EEFSEC: variants seen among roughly 807,000 people sequenced by gnomAD.
The protein encoded by EEFSEC is selenocysteine-specific elongation factor.
EEFSEC carries 43 observed loss-of-function variants against 42.1 expected under a neutral mutation model. The ratio of observed to expected loss-of-function variants is 1.02; its 90% CI spans 0.80 to 1.32. EEFSEC has a LOEUF of 1.32. Among genes scored for constraint, EEFSEC ranks in the 40% most tolerant of loss-of-function variants. The pLI is 0.00. For missense variants in EEFSEC, 745 were observed against 803.6 expected (o/e 0.93, Z 0.88); for synonymous variants, 354 against 339.1 (o/e 1.04, Z -0.48).
intron 1 of EEFSEC, among the ~76,000 whole-genome samples, chr3:128,197,251 C>A (rs1469245302): frequency 6.6e-6 from 1 of 152,282 alleles, no homozygotes; most frequent in South Asian, 2.1e-4. Flanking sequence ...GGGCTAGAAT[C>A]CTGGAGGCGG....
At chr3:128,259,518 G>C (rs1341389098) in intron 2 of EEFSEC, among the ~76,000 whole-genome samples, 3 of 152,204 alleles carry the variant, frequency 2.0e-5, no homozygotes, top group Non-Finnish European at 4.4e-5. Context: ...CTCTGTAATT[G>C]AGATAGAATT....
At chr3:128,308,380 G>A (rs975780928) in intron 4 of EEFSEC, among the ~76,000 whole-genome samples, 1 of 152,226 alleles carries the variant, frequency 6.6e-6, no homozygotes, top group East Asian at 1.9e-4. Context: ...AGAAGACATA[G>A]CTTTCCTTGA....
rs2066133709 is a variant in EEFSEC at position 128,246,846 on chromosome 3, C to T, written c.327C>T (p.Ile109=). The change falls in exon 2 of 7, where the codon ATC becomes ATT. Residue 109 remains isoleucine (I), a synonymous_variant. Coordinates refer to ENST00000254730, the MANE Select transcript of EEFSEC (RefSeq NM_021937.5). ...LIRTIIGGAQ[I]IDLMMLVIDV... ...CTTCTCTTATTCCAGGGGCCCAGAT[C>T]ATTGATCTGATGATGCTGGTCATCG... The T allele has an allele frequency of 1.9e-6, 3 of 1,613,916 alleles. No individual in the cohort carries two copies. The highest frequency in any genetic ancestry group is 2.5e-6 in the Non-Finnish European group (3 of 1,179,934).
chr3:128,363,887 T>C (rs529811258), intron 6 of EEFSEC, among the ~76,000 whole-genome samples: 1 of 152,308 alleles, frequency 6.6e-6, no homozygotes, highest in East Asian at 1.9e-4. Context: ...TGGTGCTTTG[T>C]GTGCTACAGG....
chr3:128,412,965 C>A (rs988272325), downstream of EEFSEC, among the ~76,000 whole-genome samples: 8 of 152,104 alleles, frequency 5.3e-5, no homozygotes, highest in Non-Finnish European at 1.0e-4. Flanking sequence ...GGCCTTGGAG[C>A]CCCACAAGGG....
intron 6 of EEFSEC, among the ~76,000 whole-genome samples, chr3:128,406,647 C>CA (rs2068117266): frequency 6.6e-6 from 1 of 151,832 alleles, no homozygotes; most frequent in Non-Finnish European, 1.5e-5. Context: ...CCCATCTCCA[C>CA]AAAAAAATGC....
chr3:128,173,974 C>T (rs946550799), intron 1 of EEFSEC, among the ~76,000 whole-genome samples: 2 of 152,196 alleles, frequency 1.3e-5, no homozygotes, highest in Non-Finnish European at 2.9e-5. Flanking sequence ...GCCCTATCCG[C>T]ATTCTCGCAC....
chr3:128,314,765 A>T (rs1320224943), intron 4 of EEFSEC, among the ~76,000 whole-genome samples: 1 of 152,220 alleles, frequency 6.6e-6, no homozygotes, highest in Non-Finnish European at 1.5e-5. Flanking sequence ...CCACCATGTG[A>T]CGACCAAAAA....
intron 6 of EEFSEC, among the ~76,000 whole-genome samples, chr3:128,376,507 C>A (rs1009442526): frequency 2.3e-4 from 35 of 152,178 alleles, no homozygotes; most frequent in African/African-American, 8.4e-4. Flanking sequence ...TGGACTGAGT[C>A]TCCCAGTGTC....
chr3:128,348,807 A>G (rs2067347583), intron 5 of EEFSEC, among the ~76,000 whole-genome samples: 1 of 152,212 alleles, frequency 6.6e-6, no homozygotes, highest in South Asian at 2.1e-4. Flanking sequence ...CCAGGAGGTT[A>G]CTTGCATCTC....
chr3:128,423,742 G>T, the EEFSEC span, among the ~76,000 whole-genome samples: 1 of 152,208 alleles, frequency 6.6e-6, no homozygotes, highest in Admixed American at 6.5e-5. Context: ...TCTAAACTTA[G>T]ATTGTAGTGA....
intron 1 of EEFSEC, among the ~76,000 whole-genome samples, chr3:128,206,839 C>T (rs988832533): frequency 7.2e-5 from 11 of 152,110 alleles, no homozygotes; most frequent in African/African-American, 2.2e-4. Flanking sequence ...GCTGCCCTGC[C>T]GACTTCTCAC....
At chr3:128,361,080 G>T (rs1358136534) in intron 6 of EEFSEC, among the ~76,000 whole-genome samples, 3 of 152,198 alleles carry the variant, frequency 2.0e-5, no homozygotes, top group African/African-American at 7.2e-5. Flanking sequence ...TGCCATGAGA[G>T]GTAAGGCTCC....
intron 1 of EEFSEC, among the ~76,000 whole-genome samples, chr3:128,216,314 T>TG (rs754044287): frequency 4.4e-4 from 67 of 152,276 alleles, no homozygotes; most frequent in South Asian, 3.9e-3. Context: ...CATTTTCCAC[T>TG]GCGGGGTGGT....
intron 6 of EEFSEC, among the ~76,000 whole-genome samples, chr3:128,358,760 G>A (rs1038915060): frequency 2.0e-5 from 3 of 152,206 alleles, no homozygotes; most frequent in African/African-American, 4.8e-5. Flanking sequence ...GTCCTGGCAC[G>A]TGGTAAGGTT....
intron 6 of EEFSEC, among the ~76,000 whole-genome samples, chr3:128,399,139 C>A (rs2068019060): frequency 6.6e-6 from 1 of 152,050 alleles, no homozygotes; most frequent in African/African-American, 2.4e-5. Context: ...GCATAATGCA[C>A]TGGTGTTCCC....
intron 4 of EEFSEC, among the ~76,000 whole-genome samples, chr3:128,274,688 T>C (rs760436590): frequency 6.6e-6 from 1 of 152,216 alleles, no homozygotes; most frequent in Non-Finnish European, 1.5e-5. Flanking sequence ...TAGGACAAGA[T>C]AGGGATTTGA....
At chr3:128,241,784 G>A (rs2066074120) in intron 1 of EEFSEC, among the ~76,000 whole-genome samples, 1 of 152,220 alleles carries the variant, frequency 6.6e-6, no homozygotes, top group Admixed American at 6.5e-5. Flanking sequence ...GATTTCATAT[G>A]TCTAGGCACT....
chr3:128,188,381 C>T (rs749045911), intron 1 of EEFSEC, among the ~76,000 whole-genome samples: 5 of 152,120 alleles, frequency 3.3e-5, no homozygotes, highest in Non-Finnish European at 5.9e-5. Context: ...GGCAGGCATG[C>T]AGCAGCCCCA....
Sources: gnomAD v4.1 joint callset for allele counts (sites outside exome capture counted in the v4.1 genomes callset) on GRCh38, gnomAD v4.1.1 for gene constraint, MANE v1.5 for transcripts, NCBI Gene and HGNC (gene_info 2026-07-23, HGNC 2026-07-21) for gene names.